The following TENT4B variants were observed in gnomAD, a reference collection of about 807,000 sequenced individuals.
The protein encoded by TENT4B is terminal nucleotidyltransferase 4B, also known as PAP associated domain containing 5.
Under a neutral mutation model 75.0 loss-of-function variants are expected in TENT4B, and 10 were observed. The ratio of observed to expected loss-of-function variants is 0.13; its 90% CI spans 0.08 to 0.23. The LOEUF (loss-of-function observed/expected upper bound fraction) is 0.23, where lower values mean the gene tolerates loss of function less well. Among genes scored for constraint, TENT4B ranks in the 10% least tolerant of loss-of-function variants. The pLI is 1.00. For missense variants in TENT4B, 579 were observed against 893.8 expected (o/e 0.65, Z 4.49); for synonymous variants, 350 against 357.7 (o/e 0.98, Z 0.24).
At chr16:50,222,263 T>G (rs1245239557) in intron 5 of TENT4B, 43 bp from the exon 6 acceptor site, 1 of 1,534,656 alleles carries the variant, frequency 6.5e-7, no homozygotes, top group Non-Finnish European at 8.8e-7. Flanking sequence ...TTAGATCTGT[T>G]GCTGATACAG....
Position 50,177,303 on chromosome 16 carries a change from C to A in TENT4B, c.638+23044C>A, listed in dbSNP as rs191837350. Among the ~76,000 whole-genome samples the A allele has an allele frequency of 2.6e-5, 4 of 151,942 alleles. No individual in the cohort carries two copies. In the South Asian group the frequency reaches 8.3e-4, roughly 32 times the overall value. ...CAGGCGTGAGTCACTGTGCCTGGCCCGAGATAATATCTAATTTAACAGTTT... is the reference window on the plus strand; with the variant it reads ...CAGGCGTGAGTCACTGTGCCTGGCCAGAGATAATATCTAATTTAACAGTTT... On this transcript the variant is annotated intron_variant, in intron 1 of 11. Transcript: ENST00000561678.
intron 1 of TENT4B, among the ~76,000 whole-genome samples, chr16:50,183,982 C>T (rs995239923): frequency 1.3e-5 from 2 of 152,108 alleles, no homozygotes; most frequent in Non-Finnish European, 2.9e-5. Flanking sequence ...GCAACCATCA[C>T]CAGAATAAGT....
At chr16:50,174,541 T>TA (rs2038266751) in intron 1 of TENT4B, among the ~76,000 whole-genome samples, 1 of 152,236 alleles carries the variant, frequency 6.6e-6, no homozygotes, top group Admixed American at 6.5e-5. Context: ...TCAAGGTAAT[T>TA]AGAGTATTAC....
At position 50,188,058 on chromosome 16, in the gene TENT4B, C is replaced by T. The variant is rs183149277; in HGVS notation, c.639-23265C>T. Among the ~76,000 whole-genome samples, 6 of 152,264 alleles carry T rather than the reference C, an allele frequency of 3.9e-5. No homozygotes were observed. The East Asian group carries it at 7.7e-4, about 20-fold the overall frequency. ...CTGAGATGACAGGTGTGAACCACTA[C>T]ACCTGGCCTGCTTACAGATTATAAA... On this transcript the variant is annotated intron_variant, in intron 1 of 11. Coordinates refer to ENST00000561678, the MANE Select transcript of TENT4B (RefSeq NM_001365324.3).
At chr16:50,164,268 A>C (rs1280918866) in intron 1 of TENT4B, among the ~76,000 whole-genome samples, 3 of 151,992 alleles carry the variant, frequency 2.0e-5, no homozygotes, top group East Asian at 3.9e-4. Flanking sequence ...ATCCCAAAGT[A>C]TTGGGATTAC....
chr16:50,200,803 T>G (rs72780122), intron 1 of TENT4B, among the ~76,000 whole-genome samples: 3 of 147,760 alleles, frequency 2.0e-5, no homozygotes, highest in Admixed American at 1.3e-4. Flanking sequence ...TTTTATTTTT[T>G]TTTTTTATTG....
At chr16:50,181,207 ATATT>A (rs1243587594) in intron 1 of TENT4B, among the ~76,000 whole-genome samples, 3 of 152,216 alleles carry the variant, frequency 2.0e-5, no homozygotes, top group African/African-American at 4.8e-5. Context: ...GCAAGACAGA[ATATT>A]TATATTGTTG....
intron 1 of TENT4B, among the ~76,000 whole-genome samples, chr16:50,163,298 T>G (rs1307788390): frequency 6.6e-6 from 1 of 152,208 alleles, no homozygotes; most frequent in African/African-American, 2.4e-5. Context: ...CCTTGTTCTT[T>G]GAAGTTATTC....
At chr16:50,153,010 C>T (rs1245081947), upstream of TENT4B, 1 of 1,516,818 alleles carries the variant, frequency 6.6e-7, no homozygotes, top group South Asian at 1.2e-5. Context: ...CCGCGCGCGC[C>T]TCAGAAGCTC....
In TENT4B at chr16:50,230,532, CT is replaced by C. The variant is rs2032257648; in HGVS notation, c.*1208del. The C allele has an allele frequency of 1.0e-6, 1 of 976,922 alleles. No individual in the cohort carries two copies. The highest frequency in any genetic ancestry group is 6.2e-5 in the Admixed American group (1 of 16,234). The allele number at this position is 976,922 out of a possible 1,614,324, so 60.5% of individuals were successfully genotyped here. The stretch of plus-strand genomic sequence containing the variant: ...CTATTTTCTTATATTCCACTCTATG[CT>C]TTTGGTATTGTTGATCTTTACAAAT... On this transcript the variant is annotated 3_prime_UTR_variant, in exon 12 of 12. Transcript: ENST00000561678.
At position 50,203,508 on chromosome 16, in the gene TENT4B, A is replaced by G. The variant is rs574578306; in HGVS notation, c.639-7815A>G. Among the ~76,000 whole-genome samples the G allele has an allele frequency of 3.3e-5, 5 of 152,372 alleles. No individual in the cohort carries two copies. The South Asian group carries it at 8.3e-4, about 25-fold the overall frequency. On this transcript the variant is annotated intron_variant, in intron 1 of 11. Transcript: ENST00000561678. ...ACCTTGGCTTTTTAAAGAAAATTAC[A>G]TGTTCATTGTGAATATTTTCTTATC... is the stretch of plus-strand genomic sequence containing the variant.
Position 50,223,355 on chromosome 16 carries a change from C to T in TENT4B, c.1349C>T (p.Ser450Leu). 1 of 1,612,470 alleles carries T rather than the reference C, an allele frequency of 6.2e-7. No homozygotes were observed. Among genetic ancestry groups the T allele is most frequent in the Non-Finnish European group, 8.5e-7 (1 of 1,179,082 alleles). Reference sequence around the variant, plus strand: ...AATATGCTAGATGGCTACAGGCCATCAATGCTTTATATCGAAGATCCTTTA... The same window carrying T: ...AATATGCTAGATGGCTACAGGCCATTAATGCTTTATATCGAAGATCCTTTA... ...QKNMLDGYRP[S>L]MLYIEDPLQP... Residue 450 changes from serine to leucine, a missense_variant, in exon 7 of 12, where the codon TCA becomes TTA. Physicochemically the swap from Ser to Leu is moderately radical, Grantham distance 145 (BLOSUM62 -2). Around this residue, in one of 7 missense-constraint regions of TENT4B, gnomAD observed 71 missense variants for 210.6 expected, o/e 0.34. Coordinates refer to ENST00000561678, the MANE Select transcript of TENT4B (RefSeq NM_001365324.3).
At chr16:50,203,460 G>A (rs765328904) in intron 1 of TENT4B, among the ~76,000 whole-genome samples, 1 of 152,194 alleles carries the variant, frequency 6.6e-6, no homozygotes, top group Non-Finnish European at 1.5e-5. Flanking sequence ...AAAATTGAAA[G>A]CCATTAGGCA....
At chr16:50,191,561 A>G (rs988143190) in intron 1 of TENT4B, among the ~76,000 whole-genome samples, 2 of 152,168 alleles carry the variant, frequency 1.3e-5, no homozygotes, top group African/African-American at 2.4e-5. Context: ...GGCGTGAGCC[A>G]CCATGCCCAG....
At chr16:50,202,669 G>C (rs1303818541) in intron 1 of TENT4B, among the ~76,000 whole-genome samples, 2 of 152,082 alleles carry the variant, frequency 1.3e-5, no homozygotes, top group Non-Finnish European at 2.9e-5. Context: ...AGAGTAGTTT[G>C]GGTAATTCAG....
At chr16:50,226,454 C>T (rs187773807) in intron 10 of TENT4B, among the ~76,000 whole-genome samples, 22 of 151,946 alleles carry the variant, frequency 1.4e-4, no homozygotes, top group Admixed American at 2.6e-4. Flanking sequence ...TTTTTTGAGA[C>T]GGAGTCTCGC....
intron 6 of TENT4B, 50 bp from the exon 7 acceptor site, chr16:50,223,124 C>T: frequency 7.1e-7 from 1 of 1,418,330 alleles, no homozygotes; most frequent in East Asian, 2.3e-5. Context: ...TCCCCCTCTC[C>T]TTGATAATTT....
chr16:50,232,957 A>G lies in TENT4B; in HGVS notation c.*3629A>G, dbSNP rs1048741115. The G allele has an allele frequency of 1.0e-6, 1 of 984,990 alleles. No individual in the cohort carries two copies. Among genetic ancestry groups the G allele is most frequent in the African/African-American group, 1.7e-5 (1 of 57,238 alleles). 61.0% of individuals were successfully genotyped at this position (984,990 alleles called of 1,614,324 possible). A position where few individuals can be genotyped will look rare whatever the true frequency, so the allele number is the denominator to read the frequency against. ...AATACATTCCCAATTTTGCTGTGAT[A>G]AATATTGAAATGTTAAAATTAATGA... On this transcript the variant is annotated 3_prime_UTR_variant, in exon 12 of 12. Transcript: ENST00000561678.
At chr16:50,158,640 G>A (rs2037946100) in intron 1 of TENT4B, among the ~76,000 whole-genome samples, 1 of 152,206 alleles carries the variant, frequency 6.6e-6, no homozygotes, top group Admixed American at 6.5e-5. Context: ...GAAGGTGCTT[G>A]GTGTTTGTCC....
Sources: gnomAD v4.1 joint callset for allele counts (sites outside exome capture counted in the v4.1 genomes callset) on GRCh38, gnomAD v4.1.1 for gene constraint, gnomAD v4.1.1 regional missense constraint, MANE v1.5 for transcripts, NCBI Gene and HGNC (gene_info 2026-07-23, HGNC 2026-07-21) for gene names.